WWOX: variants seen among roughly 807,000 people sequenced by gnomAD.
The protein encoded by WWOX is WW domain containing oxidoreductase, also known as WW domain-containing oxidoreductase.
WWOX carries 69 observed loss-of-function variants against 46.2 expected under a neutral mutation model. The ratio of observed to expected loss-of-function variants is 1.49; its 90% CI spans 1.23 to 1.82. The LOEUF is 1.82. Among genes scored for constraint, WWOX ranks in the 40% most tolerant of loss-of-function variants. The pLI is 0.00. For missense variants in WWOX, 919 were observed against 542.6 expected, an observed-to-expected ratio of 1.69 and a Z score of -6.89; for synonymous variants, 359 against 202.6, an observed-to-expected ratio of 1.77 and a Z score of -6.56.
At chr16:78,782,524 A>G (rs9922434) in intron 8 of WWOX, among the ~76,000 whole-genome samples, 29,709 of 152,160 alleles carry the variant, frequency 0.2, 3,245 homozygotes, top group Non-Finnish European at 0.25. Context: ...TTGGTAATTG[A>G]ATTCAAGAGT....
chr16:78,159,615 T>G (rs2034716935), intron 4 of WWOX, among the ~76,000 whole-genome samples: 1 of 151,884 alleles, frequency 6.6e-6, no homozygotes, highest in African/African-American at 2.4e-5. Flanking sequence ...TGGCTATTTG[T>G]ATGTTTTCTT....
chr16:78,533,758 T>C (rs1251602883), intron 8 of WWOX, among the ~76,000 whole-genome samples: 1 of 152,170 alleles, frequency 6.6e-6, no homozygotes, highest in Admixed American at 6.5e-5. Context: ...CTTCCCTGGA[T>C]GTTGAGGGAT....
At chr16:79,200,193 G>C (rs369854852) in intron 8 of WWOX, among the ~76,000 whole-genome samples, 1 of 152,148 alleles carries the variant, frequency 6.6e-6, no homozygotes, top group Non-Finnish European at 1.5e-5. Flanking sequence ...GAGGCCTGGT[G>C]GGAAGCCAGG....
At chr16:78,707,185 T>C (rs1238708066) in intron 8 of WWOX, among the ~76,000 whole-genome samples, 1 of 152,210 alleles carries the variant, frequency 6.6e-6, no homozygotes, top group African/African-American at 2.4e-5. Flanking sequence ...TTTTTCTACC[T>C]TCTTTTACCA....
intron 8 of WWOX, among the ~76,000 whole-genome samples, chr16:79,149,906 C>T (rs1283107277): frequency 2.0e-5 from 3 of 152,188 alleles, no homozygotes; most frequent in Non-Finnish European, 2.9e-5. Context: ...TCCTTCTATC[C>T]ATCAACCCAC....
intron 8 of WWOX, among the ~76,000 whole-genome samples, chr16:78,766,512 C>G (rs2049927970): frequency 6.6e-6 from 1 of 152,170 alleles, no homozygotes; most frequent in African/African-American, 2.4e-5. Flanking sequence ...TGCTTGAGCT[C>G]AGGAGGTGGA....
intron 8 of WWOX, among the ~76,000 whole-genome samples, chr16:78,709,853 C>T (rs1006355485): frequency 4.6e-5 from 7 of 151,878 alleles, no homozygotes; most frequent in Admixed American, 2.6e-4. Context: ...CTGAGCCTCC[C>T]GAGTAACTGG....
intron 8 of WWOX, among the ~76,000 whole-genome samples, chr16:79,105,632 G>A (rs1222662842): frequency 6.7e-6 from 1 of 150,198 alleles, no homozygotes; most frequent in African/African-American, 2.4e-5. Flanking sequence ...GCTTTCTTTT[G>A]TTTATAGAAT....
At chr16:78,585,611 T>C (rs1257725081) in intron 8 of WWOX, among the ~76,000 whole-genome samples, 1 of 152,092 alleles carries the variant, frequency 6.6e-6, no homozygotes, top group Non-Finnish European at 1.5e-5. Flanking sequence ...GCACTCCTTC[T>C]CAAGTCACTT....
chr16:78,992,222 G>C (rs1172299300), intron 8 of WWOX, among the ~76,000 whole-genome samples: 2 of 152,188 alleles, frequency 1.3e-5, no homozygotes, highest in Non-Finnish European at 2.9e-5. Context: ...TCTAGGCTTT[G>C]TGGACCTTTG....
intron 8 of WWOX, among the ~76,000 whole-genome samples, chr16:78,935,041 A>G (rs544178509): frequency 1.3e-5 from 2 of 152,230 alleles, no homozygotes; most frequent in African/African-American, 4.8e-5. Context: ...ATGCAAATCA[A>G]AACCACAATG....
intron 5 of WWOX, among the ~76,000 whole-genome samples, chr16:78,280,053 T>G (rs1002482760): frequency 6.6e-6 from 1 of 152,252 alleles, no homozygotes; most frequent in Non-Finnish European, 1.5e-5. Flanking sequence ...AACTGGAGTT[T>G]CGTCAGCTGA....
At chr16:79,134,670 T>G (rs768292357) in intron 8 of WWOX, among the ~76,000 whole-genome samples, 3 of 152,202 alleles carry the variant, frequency 2.0e-5, no homozygotes, top group Non-Finnish European at 4.4e-5. Flanking sequence ...GGTCGCGATT[T>G]CTTCACAAGG....
At chr16:78,393,034 C>G (rs930892035) in intron 6 of WWOX, among the ~76,000 whole-genome samples, 1 of 152,118 alleles carries the variant, frequency 6.6e-6, no homozygotes, top group African/African-American at 2.4e-5. Context: ...AGTTCCAAAC[C>G]AAAGCCTGTG....
At chr16:78,566,784 C>T (rs1356755564) in intron 8 of WWOX, among the ~76,000 whole-genome samples, 1 of 152,112 alleles carries the variant, frequency 6.6e-6, no homozygotes, top group African/African-American at 2.4e-5. Flanking sequence ...AAACTGAGCA[C>T]CGATAGAGTA....
At chr16:78,456,401 G>C (rs2083816998) in intron 8 of WWOX, among the ~76,000 whole-genome samples, 1 of 151,002 alleles carries the variant, frequency 6.6e-6, no homozygotes, top group African/African-American at 2.5e-5. Flanking sequence ...ATTTAATTTT[G>C]TTTATGCATG....
intron 4 of WWOX, among the ~76,000 whole-genome samples, chr16:78,140,167 G>T (rs1039232716): frequency 1.3e-5 from 2 of 152,188 alleles, no homozygotes; most frequent in African/African-American, 4.8e-5. Context: ...CGTAAAAATG[G>T]TTTGAGTAAA....
chr16:78,972,457 A>C (rs1049119045), intron 8 of WWOX, among the ~76,000 whole-genome samples: 1 of 129,230 alleles, frequency 7.7e-6, no homozygotes, highest in African/African-American at 3.0e-5. Flanking sequence ...GAAGGAAGTC[A>C]GCAAGCAGGG....
At chr16:78,412,757 A>G (rs1047280756) in intron 6 of WWOX, among the ~76,000 whole-genome samples, 1 of 152,196 alleles carries the variant, frequency 6.6e-6, no homozygotes, top group Non-Finnish European at 1.5e-5. Context: ...GAGGTTCTGG[A>G]TGGTGATAGA....
Sources: gnomAD v4.1 joint callset for allele counts (sites outside exome capture counted in the v4.1 genomes callset) on GRCh38, gnomAD v4.1.1 for gene constraint, MANE v1.5 for transcripts, NCBI Gene and HGNC (gene_info 2026-07-23, HGNC 2026-07-21) for gene names.